KIAA0825: variants seen among roughly 807,000 people sequenced by gnomAD.
KIAA0825 encodes the protein uncharacterized protein KIAA0825.
Under a neutral mutation model 147.6 loss-of-function variants are expected in KIAA0825, and 119 were observed. The ratio of observed to expected loss-of-function variants is 0.81; its 90% confidence interval spans 0.69 to 0.94. The LOEUF (loss-of-function observed/expected upper bound fraction) is 0.94, where lower values mean the gene tolerates loss of function less well. KIAA0825 is among the 40% of genes least tolerant of loss of function. The pLI is 0.00. For missense variants in KIAA0825, 1,381 were observed against 1,472.7 expected, an observed-to-expected ratio of 0.94 and a Z score of 1.02; for synonymous variants, 470 against 518.1, an observed-to-expected ratio of 0.91 and a Z score of 1.26.
At chr5:94,575,966 G>A (rs781172656) in intron 2 of KIAA0825, among the ~76,000 whole-genome samples, 1 of 152,146 alleles carries the variant, frequency 6.6e-6, no homozygotes, top group Non-Finnish European at 1.5e-5. Flanking sequence ...CTCATGAATA[G>A]ATTTTAAAAA....
At chr5:94,260,353 G>A (rs1340196548) in intron 20 of KIAA0825, among the ~76,000 whole-genome samples, 1 of 152,134 alleles carries the variant, frequency 6.6e-6, no homozygotes, top group Admixed American at 6.6e-5. Context: ...TCTATTATTA[G>A]TCACACTTTG....
chr5:94,275,435 T>C (rs937994673), intron 20 of KIAA0825, among the ~76,000 whole-genome samples: 1 of 152,184 alleles, frequency 6.6e-6, no homozygotes, highest in Non-Finnish European at 1.5e-5. Context: ...AGATAGCCTA[T>C]ATTATCTTGT....
At chr5:94,419,494 C>T (rs1274321256) in intron 14 of KIAA0825, among the ~76,000 whole-genome samples, 1 of 152,174 alleles carries the variant, frequency 6.6e-6, no homozygotes, top group Non-Finnish European at 1.5e-5. Flanking sequence ...TTCCAACCCC[C>T]AAACATCTGT....
intron 20 of KIAA0825, among the ~76,000 whole-genome samples, chr5:94,345,920 G>A (rs935245139): frequency 2.0e-5 from 3 of 152,096 alleles, no homozygotes; most frequent in South Asian, 2.1e-4. Context: ...CAGGGGGTAC[G>A]TGACTGGGGG....
At chr5:94,493,692 G>A (rs1763998026) in intron 5 of KIAA0825, among the ~76,000 whole-genome samples, 1 of 152,102 alleles carries the variant, frequency 6.6e-6, no homozygotes, top group Non-Finnish European at 1.5e-5. Flanking sequence ...GTTTCACCAT[G>A]TTAGCCAGGA....
In KIAA0825 at chr5:94,558,532, A is replaced by AT. The variant is rs200302872; in HGVS notation, c.-1-21406dup. Among the ~76,000 whole-genome samples the AT allele has an allele frequency of 5.1e-3, 771 of 152,170 alleles. 8 individuals are homozygous for AT. Among genetic ancestry groups the AT allele is most frequent in the African/African-American group, 0.018 (730 of 41,528 alleles). On this transcript the variant is annotated intron_variant, in intron 2 of 20. Coordinates refer to ENST00000682413, the MANE Select transcript of KIAA0825 (RefSeq NM_001145678.3). ...CCATGCTCCACTGCCCAACACTTACATTTTTTTCCCTTAAAGTAACCACAG... is the reference window on the plus strand; with the variant it reads ...CCATGCTCCACTGCCCAACACTTACATTTTTTTTCCCTTAAAGTAACCACAG...
intron 4 of KIAA0825, among the ~76,000 whole-genome samples, chr5:94,522,750 C>T (rs1233100546): frequency 6.6e-6 from 1 of 151,498 alleles, no homozygotes; most frequent in Non-Finnish European, 1.5e-5. Flanking sequence ...TGTAAAAAAA[C>T]CTAGGACTGG....
chr5:94,230,733 C>G (rs781217701), intron 20 of KIAA0825, among the ~76,000 whole-genome samples: 1 of 152,090 alleles, frequency 6.6e-6, no homozygotes, highest in Non-Finnish European at 1.5e-5. Context: ...TGTATGGGCT[C>G]CTTAGTTTCT....
At chr5:94,541,686 A>G (rs1256855168) in intron 2 of KIAA0825, among the ~76,000 whole-genome samples, 1 of 152,256 alleles carries the variant, frequency 6.6e-6, no homozygotes, top group Non-Finnish European at 1.5e-5. Flanking sequence ...GTAAAGGGTT[A>G]TAAAAGATTT....
intron 20 of KIAA0825, among the ~76,000 whole-genome samples, chr5:94,168,955 C>T (rs1299482621): frequency 6.6e-6 from 1 of 152,158 alleles, no homozygotes; most frequent in Non-Finnish European, 1.5e-5. Flanking sequence ...ACTGCTCTTG[C>T]TCTAAAAATG....
chr5:94,463,424 A>G (rs1269139938), intron 11 of KIAA0825, among the ~76,000 whole-genome samples: 1 of 149,518 alleles, frequency 6.7e-6, no homozygotes, highest in Non-Finnish European at 1.5e-5. Context: ...ACATATATAA[A>G]CCATATATAT....
intron 20 of KIAA0825, among the ~76,000 whole-genome samples, chr5:94,191,049 A>T (rs773650834): frequency 2.3e-4 from 35 of 151,994 alleles, no homozygotes; most frequent in Non-Finnish European, 4.7e-4. Context: ...TTTTGCTTTG[A>T]CATTATGTTA....
intron 20 of KIAA0825, among the ~76,000 whole-genome samples, chr5:94,259,071 G>A (rs1046656521): frequency 1.3e-5 from 2 of 151,904 alleles, no homozygotes; most frequent in Non-Finnish European, 2.9e-5. Context: ...GGTCCACTCC[G>A]GGGAGTAACT....
intron 2 of KIAA0825, among the ~76,000 whole-genome samples, chr5:94,578,996 T>C (rs1781567513): frequency 6.6e-6 from 1 of 152,190 alleles, no homozygotes; most frequent in Non-Finnish European, 1.5e-5. Context: ...CTTGGCTCAC[T>C]GCAACCTCTG....
At chr5:94,508,833 C>A (rs1463550864) in intron 5 of KIAA0825, among the ~76,000 whole-genome samples, 1 of 152,182 alleles carries the variant, frequency 6.6e-6, no homozygotes, top group Non-Finnish European at 1.5e-5. Context: ...CCTGGTGCTA[C>A]CACACACAGC....
intron 13 of KIAA0825, among the ~76,000 whole-genome samples, chr5:94,452,117 G>A (rs1318251112): frequency 1.3e-5 from 2 of 152,122 alleles, no homozygotes; most frequent in Admixed American, 6.5e-5. Flanking sequence ...ATACATTGAG[G>A]TCCTTGAAGA....
intron 20 of KIAA0825, among the ~76,000 whole-genome samples, chr5:94,235,258 T>C (rs1018741122): frequency 6.6e-6 from 1 of 152,220 alleles, no homozygotes; most frequent in African/African-American, 2.4e-5. Flanking sequence ...TTAAAAGTGC[T>C]ACTCCAATGA....
intron 20 of KIAA0825, among the ~76,000 whole-genome samples, chr5:94,229,637 T>C (rs1474926149): frequency 2.0e-5 from 3 of 152,000 alleles, no homozygotes; most frequent in Non-Finnish European, 4.4e-5. Flanking sequence ...TCGTTTCCTG[T>C]ATTTTCTACA....
At chr5:94,182,896 G>C (rs1769791485) in intron 20 of KIAA0825, among the ~76,000 whole-genome samples, 2 of 152,174 alleles carry the variant, frequency 1.3e-5, no homozygotes, top group Non-Finnish European at 2.9e-5. Flanking sequence ...TAGATAGGCA[G>C]TTTGCACAGT....
Sources: gnomAD v4.1 joint callset for allele counts (sites outside exome capture counted in the v4.1 genomes callset) on GRCh38, gnomAD v4.1.1 for gene constraint, MANE v1.5 for transcripts, NCBI Gene and HGNC (gene_info 2026-07-23, HGNC 2026-07-21) for gene names.